NYAP2: variants seen among roughly 807,000 people sequenced by gnomAD.
The protein encoded by NYAP2 is neuronal tyrosine-phosphorylated phosphoinositide-3-kinase adaptor 2, also known as neuronal tyrosine-phosphorylated phosphoinositide-3-kinase adapter 2.
Under a neutral mutation model 50.4 loss-of-function variants are expected in NYAP2, and 23 were observed. The ratio of observed to expected loss-of-function variants is 0.46; its 90% CI spans 0.33 to 0.65. The LOEUF is 0.65. Among genes scored for constraint, NYAP2 ranks in the 30% least tolerant of loss-of-function variants. NYAP2 has a pLI of 0.02. For synonymous variants in NYAP2, 394 were observed against 365.2 expected (o/e 1.08, Z -0.90); for missense variants, 885 against 861.0 (o/e 1.03, Z -0.35).
chr2:225,651,334 C>G, intron 6 of NYAP2, 98 bp from the exon 7 acceptor site: 4 of 1,496,842 alleles, frequency 2.7e-6, no homozygotes, highest in South Asian at 1.1e-5. Context: ...TTGTATATTC[C>G]AAGAATAAGT....
At chr2:225,607,768 A>G (rs376606130) in intron 5 of NYAP2, among the ~76,000 whole-genome samples, 25 of 152,258 alleles carry the variant, frequency 1.6e-4, no homozygotes, top group African/African-American at 5.8e-4. Context: ...CAGGTCTTAA[A>G]TGGAAAAGGA....
At chr2:225,566,283 G>A (rs1035120066) in intron 4 of NYAP2, among the ~76,000 whole-genome samples, 3 of 152,152 alleles carry the variant, frequency 2.0e-5, no homozygotes, top group Non-Finnish European at 4.4e-5. Context: ...TGGATGAAAT[G>A]TTTTATGGCT....
At chr2:225,557,695 A>C (rs1368878473) in intron 4 of NYAP2, among the ~76,000 whole-genome samples, 4 of 152,162 alleles carry the variant, frequency 2.6e-5, no homozygotes, top group Non-Finnish European at 5.9e-5. Context: ...AATGAGGGTC[A>C]CAATACCAAA....
chr2:225,637,616 T>A (rs756645308), intron 6 of NYAP2, among the ~76,000 whole-genome samples: 24 of 152,176 alleles, frequency 1.6e-4, no homozygotes, highest in Non-Finnish European at 2.6e-4. Flanking sequence ...GAGGAGCAAA[T>A]GCATAACAGA....
In NYAP2 at chr2:225,409,069, A is replaced by C. The variant is rs1257756250; in HGVS notation, c.189A>C (p.Glu63Asp). Reference sequence around the variant, plus strand: ...TAGCCTATTTGAAAGAGAAGAATGAAAAACGCCGAAGACAAGAAGAAGCAA... The same window carrying C: ...TAGCCTATTTGAAAGAGAAGAATGACAAACGCCGAAGACAAGAAGAAGCAA... Residue 63 changes from glutamate to aspartate, a missense_variant, in exon 3 of 7, where the codon GAA (glutamate) becomes GAC (aspartate). Coordinates refer to ENST00000636099, the Ensembl canonical transcript of NYAP2. The C allele has an allele frequency of 2.5e-6, 4 of 1,608,910 alleles. No individual in the cohort carries two copies. The African/African-American group carries it at 5.3e-5, about 22-fold the overall frequency.
the NYAP2 span, among the ~76,000 whole-genome samples, chr2:225,683,808 A>G: frequency 3.9e-5 from 6 of 152,182 alleles, no homozygotes; most frequent in Non-Finnish European, 7.3e-5. Context: ...TTGGCTTGGT[A>G]GGTCACGAAC....
intron 5 of NYAP2, among the ~76,000 whole-genome samples, chr2:225,607,919 C>G (rs1692816067): frequency 6.6e-6 from 1 of 152,090 alleles, no homozygotes; most frequent in Admixed American, 6.6e-5. Flanking sequence ...AGGACACTTT[C>G]TATAATTATG....
chr2:225,626,799 A>G, intron 5 of NYAP2, 118 bp from the exon 6 acceptor site: 1 of 757,230 alleles, frequency 1.3e-6, no homozygotes, highest in African/African-American at 1.8e-5. Context: ...GTAGTCTCCA[A>G]GTCTGAGTTT....
At chr2:225,664,056 A>T in the NYAP2 span, among the ~76,000 whole-genome samples, 16 of 152,206 alleles carry the variant, frequency 1.1e-4, no homozygotes, top group African/African-American at 3.6e-4. Flanking sequence ...CCCTGTACTT[A>T]CTGTCATAAC....
chr2:225,407,915 T>A (rs1694968579), intron 2 of NYAP2, among the ~76,000 whole-genome samples: 1 of 151,966 alleles, frequency 6.6e-6, no homozygotes. Context: ...TGCCAGTTCA[T>A]ACTTTTTAAT....
At chr2:225,444,126 CTG>C (rs1229624078) in intron 3 of NYAP2, among the ~76,000 whole-genome samples, 4 of 152,120 alleles carry the variant, frequency 2.6e-5, no homozygotes, top group Admixed American at 2.0e-4. Context: ...AAGGCTGAAA[CTG>C]TATAAATTTA....
At chr2:225,597,419 T>G (rs1692620954) in intron 5 of NYAP2, among the ~76,000 whole-genome samples, 1 of 148,970 alleles carries the variant, frequency 6.7e-6, no homozygotes, top group Middle Eastern at 3.2e-3. Context: ...TCCTGAGTTA[T>G]TTCACTTATG....
chr2:225,679,493 G>GTTTTTTTTT, the NYAP2 span, among the ~76,000 whole-genome samples: 3 of 103,884 alleles, frequency 2.9e-5, no homozygotes, highest in African/African-American at 3.7e-5. Context: ...GCTTCTAATT[G>GTTTTTTTTT]TTTTTTTTTT....
At chr2:225,625,484 G>T (rs1693193165) in intron 5 of NYAP2, among the ~76,000 whole-genome samples, 2 of 152,186 alleles carry the variant, frequency 1.3e-5, no homozygotes, top group Non-Finnish European at 2.9e-5. Flanking sequence ...CCATGACCCT[G>T]CAAGAGTGGT....
chr2:225,503,993 C>A (rs1391679220), intron 3 of NYAP2, among the ~76,000 whole-genome samples: 1 of 151,946 alleles, frequency 6.6e-6, no homozygotes. Flanking sequence ...CTTCATGGTG[C>A]TCTAGGGTGG....
intron 5 of NYAP2, among the ~76,000 whole-genome samples, chr2:225,618,272 A>G (rs1559231396): frequency 1.3e-5 from 2 of 152,238 alleles, no homozygotes; most frequent in African/African-American, 4.8e-5. Flanking sequence ...AAGAAGCTGC[A>G]GCCTTGGCTC....
Position 225,436,762 on chromosome 2 carries a change from G to GAGA in NYAP2, c.221+27676_221+27678dup, listed in dbSNP as rs1197393939. On this transcript the variant is annotated intron_variant, in intron 3 of 6. Coordinates refer to ENST00000636099, the Ensembl canonical transcript of NYAP2. ...GTCAAAAAAAAAAAAAAAAAAAAGA[G>GAGA]AGAAGAAGAAGAAGAAGCCTCCTGG... Among the ~76,000 whole-genome samples, 4 of 146,440 alleles carry GAGA rather than the reference G, an allele frequency of 2.7e-5. No homozygotes were observed. In the South Asian group the frequency reaches 6.5e-4, roughly 24 times the overall value.
intron 5 of NYAP2, among the ~76,000 whole-genome samples, chr2:225,589,109 T>A (rs978453092): frequency 6.6e-6 from 1 of 151,980 alleles, no homozygotes; most frequent in Non-Finnish European, 1.5e-5. Flanking sequence ...AAATCAGTTG[T>A]GGACCAAGAA....
chr2:225,699,994 GA>G, the NYAP2 span: 2 of 151,870 alleles, frequency 1.3e-5, no homozygotes, highest in African/African-American at 4.8e-5. Context: ...ATATTTCTGA[GA>G]GAAAAGATGT....
Sources: gnomAD v4.1 joint callset for allele counts (sites outside exome capture counted in the v4.1 genomes callset) on GRCh38, gnomAD v4.1.1 for gene constraint, MANE v1.5 for transcripts, NCBI Gene and HGNC (gene_info 2026-07-23, HGNC 2026-07-21) for gene names.